CACNA2D3: variants seen among roughly 807,000 people sequenced by gnomAD.
The protein encoded by CACNA2D3 is voltage-dependent calcium channel subunit alpha-2/delta-3.
CACNA2D3 carries 60 observed loss-of-function variants against 160.6 expected under a neutral mutation model. The ratio of observed to expected loss-of-function variants is 0.37; its 90% confidence interval spans 0.30 to 0.46. The LOEUF is 0.46. Among genes scored for constraint, CACNA2D3 ranks in the 20% least tolerant of loss-of-function variants. The pLI, the probability that CACNA2D3 is intolerant of heterozygous loss-of-function variation, is 1.00. For missense variants in CACNA2D3, 1,205 were observed against 1,365.0 expected (o/e 0.88, Z 1.85); for synonymous variants, 558 against 492.9 (o/e 1.13, Z -1.75).
chr3:54,149,571 C>G (rs939099261), intron 2 of CACNA2D3, among the ~76,000 whole-genome samples: 2 of 152,178 alleles, frequency 1.3e-5, no homozygotes, highest in Non-Finnish European at 1.5e-5. Flanking sequence ...GACTCCTCCT[C>G]TCTTTGAGAG....
chr3:54,135,267 C>G (rs1362026682), intron 2 of CACNA2D3, among the ~76,000 whole-genome samples: 1 of 152,162 alleles, frequency 6.6e-6, no homozygotes, highest in East Asian at 1.9e-4. Context: ...ATCATCTTAC[C>G]TCTGCAACAT....
Position 55,073,831 on chromosome 3 carries a change from C to T in CACNA2D3, c.3155C>T (p.Pro1052Leu). ...RLKAQKIRRR[P>L]ESCHGFHPEE... Reference sequence around the variant, plus strand: ...AAGGCCCAGAAGATCAGAAGGCGCCCAGAATCTTGTCATGGCTTCCATCCT... The same window carrying T: ...AAGGCCCAGAAGATCAGAAGGCGCCTAGAATCTTGTCATGGCTTCCATCCT... The change falls in exon 37 of 38, where the codon CCA becomes CTA. Residue 1052 changes from proline to leucine, a missense_variant. Pro to Leu is a moderately conservative substitution (Grantham distance 98, BLOSUM62 -3). Coordinates refer to ENST00000474759, the MANE Select transcript of CACNA2D3 (RefSeq NM_018398.3). 2 of 1,613,772 alleles carry T rather than the reference C, an allele frequency of 1.2e-6. No individual in the cohort carries two copies. Among genetic ancestry groups the T allele is most frequent in the Non-Finnish European group, 1.7e-6 (2 of 1,179,784 alleles).
At chr3:54,296,146 G>A (rs1430213456) in intron 2 of CACNA2D3, among the ~76,000 whole-genome samples, 1 of 152,210 alleles carries the variant, frequency 6.6e-6, no homozygotes, top group Non-Finnish European at 1.5e-5. Flanking sequence ...GCAAGGCCGG[G>A]ATGACATTTG....
At chr3:54,237,450 T>C (rs1471622278) in intron 2 of CACNA2D3, among the ~76,000 whole-genome samples, 1 of 152,186 alleles carries the variant, frequency 6.6e-6, no homozygotes, top group Admixed American at 6.5e-5. Flanking sequence ...GTGTATTTCC[T>C]GCTAAGCTAA....
intron 5 of CACNA2D3, among the ~76,000 whole-genome samples, chr3:54,535,031 T>C (rs1415385610): frequency 6.6e-6 from 1 of 152,258 alleles, no homozygotes; most frequent in Non-Finnish European, 1.5e-5. Context: ...CATTTGCCAC[T>C]ACTGAAATTG....
At chr3:54,774,186 C>G (rs1457987735) in intron 13 of CACNA2D3, among the ~76,000 whole-genome samples, 1 of 152,092 alleles carries the variant, frequency 6.6e-6, no homozygotes, top group Non-Finnish European at 1.5e-5. Flanking sequence ...TGACTAGATT[C>G]AGGGGTTGTA....
At chr3:54,197,013 C>T (rs1389550271) in intron 2 of CACNA2D3, among the ~76,000 whole-genome samples, 3 of 152,116 alleles carry the variant, frequency 2.0e-5, no homozygotes, top group Admixed American at 1.3e-4. Flanking sequence ...TTTTAGTAAA[C>T]AATTTTAAAA....
In CACNA2D3 at chr3:54,735,057, T is replaced by G. The variant is rs185347682; in HGVS notation, c.1168-17542T>G. On this transcript the variant is annotated intron_variant, in intron 11 of 37. Transcript: ENST00000474759. ...ACAGGAAGCACACCAGCATTTCTTC[T>G]CTGTTCTTCAGCCGCTAAAGAAGAT... Among the ~76,000 whole-genome samples the G allele has an allele frequency of 4.6e-5, 7 of 152,328 alleles. No homozygotes were observed. In the East Asian group the frequency reaches 1.4e-3, roughly 29 times the overall value.
intron 9 of CACNA2D3, among the ~76,000 whole-genome samples, chr3:54,599,046 C>CCCA (rs1703015366): frequency 6.6e-6 from 1 of 152,098 alleles, no homozygotes; most frequent in African/African-American, 2.4e-5. Context: ...AGCAAGAGGT[C>CCCA]CCACCGTGCA....
Position 54,734,649 on chromosome 3 carries a change from A to G in CACNA2D3, c.1168-17950A>G, listed in dbSNP as rs558289375. 3.8e-4 allele frequency among the ~76,000 whole-genome samples: 58 copies of G among 152,312 alleles called. 1 individual carries two copies. The highest frequency in any genetic ancestry group is 3.2e-4 in the Non-Finnish European group (22 of 68,026). ...ATCTTTGCAGATCGGTAGGAAATAA[A>G]TGGCAACTCACAAAGACCATCTGAC... On this transcript the variant is annotated intron_variant, in intron 11 of 37. Coordinates refer to ENST00000474759, the MANE Select transcript of CACNA2D3 (RefSeq NM_018398.3).
chr3:54,213,565 A>G (rs762714066), intron 2 of CACNA2D3, among the ~76,000 whole-genome samples: 3 of 152,190 alleles, frequency 2.0e-5, no homozygotes, highest in Non-Finnish European at 2.9e-5. Flanking sequence ...AGGAGCATGC[A>G]TTTCCTTGCA....
chr3:54,800,735 C>T (rs1702966192), intron 13 of CACNA2D3, among the ~76,000 whole-genome samples: 1 of 152,120 alleles, frequency 6.6e-6, no homozygotes, highest in Admixed American at 6.5e-5. Context: ...CAGGGCTGTA[C>T]TACTAGAACA....
At chr3:54,967,918 G>T (rs1480266393) in intron 27 of CACNA2D3, among the ~76,000 whole-genome samples, 2 of 152,146 alleles carry the variant, frequency 1.3e-5, no homozygotes, top group Non-Finnish European at 2.9e-5. Flanking sequence ...CCATGGGAGA[G>T]AAGAACCTTG....
At chr3:54,416,286 G>A (rs1371484163) in intron 4 of CACNA2D3, among the ~76,000 whole-genome samples, 1 of 152,188 alleles carries the variant, frequency 6.6e-6, no homozygotes, top group Non-Finnish European at 1.5e-5. Context: ...TGGATTGGCA[G>A]CTACCTCCAA....
At chr3:54,334,159 T>C (rs1270298023) in intron 3 of CACNA2D3, among the ~76,000 whole-genome samples, 2 of 151,136 alleles carry the variant, frequency 1.3e-5, no homozygotes, top group East Asian at 3.9e-4. Context: ...TGATCTCGGC[T>C]CACTGCAACC....
chr3:54,128,152 G>A (rs7632113), intron 2 of CACNA2D3, among the ~76,000 whole-genome samples: 6 of 151,804 alleles, frequency 4.0e-5, no homozygotes, highest in African/African-American at 1.2e-4. Flanking sequence ...CATGGTGATC[G>A]CATGCTGATT....
rs116020016 is a variant in CACNA2D3 at position 54,410,943 on chromosome 3, A to G, written c.381+24169A>G. Among the ~76,000 whole-genome samples the G allele has an allele frequency of 2.8e-3, 426 of 152,318 alleles. 1 individual carries two copies. Among genetic ancestry groups the G allele is most frequent in the Middle Eastern group, 6.8e-3 (2 of 294 alleles). Reference sequence around the variant, plus strand: ...ACTTCTGATTCATGAAAGGAGGTAAAACTATCAGCATTAACAAGAATTTGT... The same window carrying G: ...ACTTCTGATTCATGAAAGGAGGTAAGACTATCAGCATTAACAAGAATTTGT... On this transcript the variant is annotated intron_variant, in intron 4 of 37. Coordinates refer to ENST00000474759, the MANE Select transcript of CACNA2D3 (RefSeq NM_018398.3).
chr3:54,503,484 T>G lies in CACNA2D3; in HGVS notation c.382-8T>G. On this transcript the variant is annotated splice_polypyrimidine_tract_variant and splice_region_variant and intron_variant, in intron 4 of 37. Transcript: ENST00000474759. ...CCACATGTAATGTTTTTTGACTTTG[T>G]CTTTCAGTATGAATACTTCAATGCT... 6.2e-7 allele frequency: 1 copy of G among 1,613,678 alleles called. No homozygotes were observed. Among genetic ancestry groups the G allele is most frequent in the Non-Finnish European group, 8.5e-7 (1 of 1,179,634 alleles).
chr3:54,480,690 T>A (rs1029620232), intron 4 of CACNA2D3, among the ~76,000 whole-genome samples: 1 of 152,172 alleles, frequency 6.6e-6, no homozygotes, highest in African/African-American at 2.4e-5. Flanking sequence ...TATTTCTATT[T>A]TATCTCCATT....
Sources: gnomAD v4.1 joint callset for allele counts (sites outside exome capture counted in the v4.1 genomes callset) on GRCh38, gnomAD v4.1.1 for gene constraint, MANE v1.5 for transcripts, NCBI Gene and HGNC (gene_info 2026-07-23, HGNC 2026-07-21) for gene names.